The following PLA2G7 variants were observed in gnomAD, a reference collection of about 807,000 sequenced individuals.
The protein encoded by PLA2G7 is phospholipase A2 group VII.
Under a neutral mutation model 49.6 loss-of-function variants are expected in PLA2G7, and 63 were observed. The ratio of observed to expected loss-of-function variants is 1.27; its 90% CI spans 1.04 to 1.57. The LOEUF is 1.57. PLA2G7 is among the 40% of genes most tolerant of loss of function. The probability of loss-of-function intolerance (pLI) is 0.00; values close to 1 mark genes in which losing one functional copy is unlikely to be tolerated. For synonymous variants in PLA2G7, 193 were observed against 169.9 expected, an observed-to-expected ratio of 1.14 and a Z score of -1.06; for missense variants, 596 against 521.2, an observed-to-expected ratio of 1.14 and a Z score of -1.40.
chr6:46,704,492 A>T lies in PLA2G7; in HGVS notation c.*68T>A, dbSNP rs1224330097. 4.5e-4 allele frequency: 389 copies of T among 863,244 alleles called. No individual in the cohort carries two copies. The African/African-American group carries it at 6.0e-3, about 13-fold the overall frequency. The allele number at this position is 863,244 out of a possible 1,614,324, so 53.5% of individuals were successfully genotyped here. A position where few individuals can be genotyped will look rare whatever the true frequency, so the allele number is the denominator to read the frequency against. On this transcript the variant is annotated 3_prime_UTR_variant, in exon 12 of 12. Transcript: ENST00000274793. ...CTCTCTCTCTCTCACACACACACAC[A>T]CACACACACACACACACATAATTTT...
chr6:46,708,183 G>T, intron 9 of PLA2G7, 22 bp from the exon 10 acceptor site: 2 of 1,592,162 alleles, frequency 1.3e-6, no homozygotes, highest in Non-Finnish European at 1.7e-6. Flanking sequence ...TGTTGACAAT[G>T]ATGAAATTAA....
chr6:46,707,780 T>C (rs980706176), intron 10 of PLA2G7, among the ~76,000 whole-genome samples: 1 of 152,172 alleles, frequency 6.6e-6, no homozygotes, highest in Non-Finnish European at 1.5e-5. Flanking sequence ...CAGACTAATA[T>C]AACCAGTATA....
chr6:46,723,052 G>T, intron 1 of PLA2G7, 127 bp from the exon 2 acceptor site: 1 of 636,266 alleles, frequency 1.6e-6, no homozygotes, highest in Non-Finnish European at 2.9e-6. Context: ...TTTCTGTGCT[G>T]GGTTTTAGAT....
chr6:46,724,703 T>G (rs1291685666), intron 1 of PLA2G7, among the ~76,000 whole-genome samples: 1 of 152,222 alleles, frequency 6.6e-6, no homozygotes, highest in Non-Finnish European at 1.5e-5. Flanking sequence ...CATGTGCTGA[T>G]GTAGTGCAGT....
At chr6:46,715,012 G>A (rs1765159724) in intron 4 of PLA2G7, among the ~76,000 whole-genome samples, 1 of 152,106 alleles carries the variant, frequency 6.6e-6, no homozygotes, top group Admixed American at 6.5e-5. Flanking sequence ...TGGGATTACA[G>A]GCGTGAGCCA....
At chr6:46,731,453 C>T (rs367594301) in intron 1 of PLA2G7, among the ~76,000 whole-genome samples, 12 of 152,276 alleles carry the variant, frequency 7.9e-5, no homozygotes, top group African/African-American at 2.9e-4. Flanking sequence ...TTTTCCCATT[C>T]CCAGCTTTAA....
At chr6:46,706,179 T>G (rs2150690700) in intron 10 of PLA2G7, among the ~76,000 whole-genome samples, 1 of 152,282 alleles carries the variant, frequency 6.6e-6, no homozygotes, top group Middle Eastern at 3.4e-3. Context: ...AATTGTGAAG[T>G]TAAAAGACAT....
chr6:46,732,127 C>T lies in PLA2G7; in HGVS notation c.-35+3053G>A, dbSNP rs141627378. Among the ~76,000 whole-genome samples, 43 of 152,304 alleles carry T rather than the reference C, an allele frequency of 2.8e-4. No homozygotes were observed. In the East Asian group the frequency reaches 7.1e-3, roughly 25 times the overall value. The stretch of plus-strand genomic sequence containing the variant: ...GGTCTTCCTGACCTGGCTCCTGCCC[C>T]TAAAGCTCACTCCTCCAACTCTCCT... On this transcript the variant is annotated intron_variant, in intron 1 of 11. Transcript: ENST00000274793.
chr6:46,722,464 G>A (rs753961328), intron 2 of PLA2G7, among the ~76,000 whole-genome samples: 10 of 152,116 alleles, frequency 6.6e-5, no homozygotes, highest in Non-Finnish European at 1.5e-4. Flanking sequence ...GTGGGCATGC[G>A]TTAGGGCAGT....
intron 2 of PLA2G7, among the ~76,000 whole-genome samples, chr6:46,718,359 A>G (rs997203123): frequency 6.6e-5 from 10 of 152,262 alleles, no homozygotes; most frequent in Admixed American, 6.5e-4. Context: ...TCCTAAGCCA[A>G]TACTCTGCTA....
At chr6:46,718,040 T>C (rs1424633171) in intron 2 of PLA2G7, among the ~76,000 whole-genome samples, 1 of 152,140 alleles carries the variant, frequency 6.6e-6, no homozygotes, top group Admixed American at 6.5e-5. Flanking sequence ...CTAACATTAG[T>C]TTTTAGCTTA....
intron 10 of PLA2G7, among the ~76,000 whole-genome samples, chr6:46,707,162 G>C (rs971188758): frequency 6.6e-6 from 1 of 151,996 alleles, no homozygotes; most frequent in Non-Finnish European, 1.5e-5. Context: ...TATAGCTTTG[G>C]GGAATTTATA....
chr6:46,706,282 G>A (rs1206500999), intron 10 of PLA2G7, among the ~76,000 whole-genome samples: 2 of 152,108 alleles, frequency 1.3e-5, no homozygotes, highest in African/African-American at 2.4e-5. Context: ...GCTCAAAACA[G>A]GGCCACTTAA....
At chr6:46,734,786 G>A (rs1226778676) in intron 1 of PLA2G7, among the ~76,000 whole-genome samples, 1 of 151,612 alleles carries the variant, frequency 6.6e-6, no homozygotes, top group Non-Finnish European at 1.5e-5. Context: ...TCGCGCCTCT[G>A]CACTCCAGCC....
At chr6:46,731,143 A>G (rs1562081994) in intron 1 of PLA2G7, among the ~76,000 whole-genome samples, 1 of 152,206 alleles carries the variant, frequency 6.6e-6, no homozygotes, top group Non-Finnish European at 1.5e-5. Flanking sequence ...AGAGAAATAG[A>G]GTTGCCTTAT....
chr6:46,734,632 C>T (rs916548807), intron 1 of PLA2G7, among the ~76,000 whole-genome samples: 6 of 151,798 alleles, frequency 4.0e-5, no homozygotes, highest in African/African-American at 2.4e-5. Flanking sequence ...ACCATTGTGG[C>T]GAACACAGCG....
chr6:46,711,376 G>A (rs1765013453), intron 7 of PLA2G7, 120 bp downstream of exon 7: 6 of 1,083,386 alleles, frequency 5.5e-6, no homozygotes, highest in Admixed American at 1.7e-5. Context: ...AGATCTTTTG[G>A]GAATGGGAAA....
rs1327682329 is a variant in PLA2G7, at chr6:46,705,345, A to T, written c.1041-44T>A. 3 of 1,543,842 alleles carry T rather than the reference A, an allele frequency of 1.9e-6. No individual in the cohort carries two copies. In the Admixed American group the frequency reaches 5.0e-5, roughly 26 times the overall value. ...TTTAAAAGTCACATTGTTTGATAAA[A>T]TTATTATTTTTTTAGTTAGAGTGTA... On this transcript the variant is annotated intron_variant, in intron 10 of 11. Coordinates refer to ENST00000274793, the MANE Select transcript of PLA2G7 (RefSeq NM_005084.4).
intron 5 of PLA2G7, 101 bp from the exon 6 acceptor site, chr6:46,712,438 G>T: frequency 1.2e-6 from 1 of 828,464 alleles, no homozygotes; most frequent in Non-Finnish European, 2.1e-6. Context: ...CACCCCTGTA[G>T]TAGTGCCCTG....
Sources: allele counts gnomAD v4.1 joint callset (sites outside exome capture counted in the v4.1 genomes callset), GRCh38; gene constraint gnomAD v4.1.1; transcripts MANE v1.5; gene names NCBI Gene and HGNC (gene_info 2026-07-23, HGNC 2026-07-21).